CHSY3: variants seen among roughly 807,000 people sequenced by gnomAD.
The protein encoded by CHSY3 is chondroitin sulfate synthase 3, also known as N-acetylgalactosaminyl-proteoglycan 3-beta-glucuronosyltransferase 3.
Under a neutral mutation model 67.2 loss-of-function variants are expected in CHSY3, and 35 were observed. The ratio of observed to expected loss-of-function variants is 0.52; its 90% CI spans 0.40 to 0.69. CHSY3 has a LOEUF of 0.69. CHSY3 is among the 30% of genes least tolerant of loss of function. The pLI is 0.00. For missense variants in CHSY3, 1,069 were observed against 1,138.5 expected (o/e 0.94, Z 0.88); for synonymous variants, 474 against 434.7 (o/e 1.09, Z -1.12).
rs1770390984 is a variant in CHSY3 at position 130,185,481 on chromosome 5, A to G, written c.2339A>G (p.Tyr780Cys). The G allele has an allele frequency of 3.7e-6, 6 of 1,614,038 alleles. No homozygotes were observed. The highest frequency in any genetic ancestry group is 2.7e-5 in the African/African-American group (2 of 74,918). Residue 780 changes from tyrosine (Y) to cysteine (C), a missense_variant, in exon 3 of 3, where the codon TAT becomes TGT. Coordinates refer to ENST00000305031, the MANE Select transcript of CHSY3 (RefSeq NM_175856.5). ...ACTGGATTTTGGAGAGACTATGGATATGGCATCACCTGTATTTACAAAAGT... is the reference window on the plus strand; with the variant it reads ...ACTGGATTTTGGAGAGACTATGGATGTGGCATCACCTGTATTTACAAAAGT... ...KKTGFWRDYGYGITCIYKSDL... is the reference protein window; with the variant it reads ...KKTGFWRDYGCGITCIYKSDL...
intron 2 of CHSY3, among the ~76,000 whole-genome samples, chr5:130,038,773 C>CA: frequency 6.6e-6 from 1 of 152,068 alleles, no homozygotes; most frequent in South Asian, 2.1e-4. Flanking sequence ...CACTGCACTA[C>CA]AAAATATGTG....
intron 2 of CHSY3, among the ~76,000 whole-genome samples, chr5:130,171,926 A>G (rs1437808102): frequency 1.3e-5 from 2 of 152,228 alleles, no homozygotes; most frequent in Non-Finnish European, 2.9e-5. Context: ...CTAACTGGAA[A>G]AAAGAAGAAA....
chr5:130,133,800 A>AAAG (rs1561552320), intron 2 of CHSY3, among the ~76,000 whole-genome samples: 3 of 148,756 alleles, frequency 2.0e-5, no homozygotes, highest in African/African-American at 7.3e-5. Flanking sequence ...AAAAAAGAAA[A>AAAG]AAAAAAAAAA....
At chr5:130,013,885 T>A (rs1001978642) in intron 2 of CHSY3, among the ~76,000 whole-genome samples, 2 of 152,246 alleles carry the variant, frequency 1.3e-5, no homozygotes, top group African/African-American at 4.8e-5. Flanking sequence ...TTCTTTTTTA[T>A]CGCATCATCA....
chr5:130,147,816 A>AT (rs1769115804), intron 2 of CHSY3, among the ~76,000 whole-genome samples: 1 of 152,036 alleles, frequency 6.6e-6, no homozygotes, highest in Admixed American at 6.6e-5. Flanking sequence ...ATTTTATTTC[A>AT]TTTTTTGCTT....
chr5:129,971,226 T>G (rs1762632343), intron 2 of CHSY3, among the ~76,000 whole-genome samples: 1 of 151,792 alleles, frequency 6.6e-6, no homozygotes, highest in Admixed American at 6.6e-5. Context: ...GGAGTGTACA[T>G]TTTACATTTG....
intron 2 of CHSY3, among the ~76,000 whole-genome samples, chr5:130,052,834 A>G (rs1329069349): frequency 6.6e-6 from 1 of 152,152 alleles, no homozygotes; most frequent in African/African-American, 2.4e-5. Context: ...AATTTTCTCA[A>G]TGCTACATAA....
intron 2 of CHSY3, among the ~76,000 whole-genome samples, chr5:130,143,149 G>C (rs748926610): frequency 2.6e-5 from 4 of 152,096 alleles, no homozygotes; most frequent in African/African-American, 7.2e-5. Context: ...TAAAAGCCTA[G>C]TGATTGCCTT....
At position 129,994,045 on chromosome 5, in the gene CHSY3, T is replaced by C. The variant is rs187944063; in HGVS notation, c.1086+85685T>C. On this transcript the variant is annotated intron_variant, in intron 2 of 2. Transcript: ENST00000305031. Reference sequence around the variant, plus strand: ...AAGAATGTTGAATATTGGCCCCCACTGTCTTCTGGCTTATAGAGTTTCTGC... The same window carrying C: ...AAGAATGTTGAATATTGGCCCCCACCGTCTTCTGGCTTATAGAGTTTCTGC... Among the ~76,000 whole-genome samples the C allele has an allele frequency of 9.2e-3, 1,397 of 152,340 alleles. 18 individuals carry two copies. The highest frequency in any genetic ancestry group is 0.031 in the African/African-American group (1,295 of 41,586).
chr5:129,917,371 A>T (rs1760763037), intron 2 of CHSY3, among the ~76,000 whole-genome samples: 1 of 152,212 alleles, frequency 6.6e-6, no homozygotes. Context: ...TACAACAGAG[A>T]GCCTGTTGTA....
At position 130,143,810 on chromosome 5, in the gene CHSY3, G is replaced by GTGTA. The variant is rs1469625551; in HGVS notation, c.1087-40418_1087-40417insGTAT. On this transcript the variant is annotated intron_variant, in intron 2 of 2. Transcript: ENST00000305031. ...TATATATATATATATATATATGTGT[G>GTGTA]TATATATATATATATATATATATAT... 4.0e-3 allele frequency among the ~76,000 whole-genome samples: 228 copies of GTGTA among 56,476 alleles called. 10 individuals are homozygous for GTGTA. Among genetic ancestry groups the GTGTA allele is most frequent in the Middle Eastern group, 0.019 (1 of 54 alleles). The allele number at this position is 56,476 out of a possible 152,430, so 37.1% of individuals were successfully genotyped here. A position where few individuals can be genotyped will look rare whatever the true frequency, so the allele number is the denominator to read the frequency against.
intron 2 of CHSY3, among the ~76,000 whole-genome samples, chr5:129,913,160 GT>G (rs1760624233): frequency 6.6e-6 from 1 of 152,072 alleles, no homozygotes; most frequent in Non-Finnish European, 1.5e-5. Flanking sequence ...TTTTGTTTTT[GT>G]TTTTTGACAC....
chr5:130,026,834 T>C (rs1244317080), intron 2 of CHSY3, among the ~76,000 whole-genome samples: 2 of 152,136 alleles, frequency 1.3e-5, no homozygotes, highest in African/African-American at 4.8e-5. Flanking sequence ...GTTACCACAT[T>C]TTTAAAAATA....
chr5:130,065,723 C>T (rs1026164275), intron 2 of CHSY3, among the ~76,000 whole-genome samples: 6 of 152,102 alleles, frequency 3.9e-5, no homozygotes, highest in African/African-American at 1.2e-4. Flanking sequence ...TATTTCTAGT[C>T]TGACAATGAT....
In CHSY3 at chr5:130,142,760, GAATCCAT is replaced by G. The variant is rs1404479826; in HGVS notation, c.1087-41468_1087-41462del. 2.0e-5 allele frequency among the ~76,000 whole-genome samples: 3 copies of G among 152,160 alleles called. No homozygotes were observed. The East Asian group carries it at 5.8e-4, about 30-fold the overall frequency. ...CAAATTTCCACTTTCCAAAGACAGA[GAATCCAT>G]GGTCTTCACCTTAATAGCTGCTTTA... On this transcript the variant is annotated intron_variant, in intron 2 of 2. Transcript: ENST00000305031.
intron 2 of CHSY3, among the ~76,000 whole-genome samples, chr5:130,096,706 T>C (rs1248068248): frequency 6.6e-6 from 1 of 152,150 alleles, no homozygotes; most frequent in African/African-American, 2.4e-5. Flanking sequence ...CCATTTTTTT[T>C]AGTATTTTTT....
chr5:129,991,578 G>A (rs910929141), intron 2 of CHSY3, among the ~76,000 whole-genome samples: 8 of 152,106 alleles, frequency 5.3e-5, no homozygotes, highest in African/African-American at 1.9e-4. Flanking sequence ...TGATTAACAA[G>A]CTTGAGTTTG....
Position 130,146,392 on chromosome 5 carries a change from T to TA in CHSY3, c.1087-37833dup, listed in dbSNP as rs569079737. ...CATGATCTCACTCATACGTGGAAACTAAAAGAAAAGATGTTATCAAACATA... is the reference window on the plus strand; with the variant it reads ...CATGATCTCACTCATACGTGGAAACTAAAAAGAAAAGATGTTATCAAACATA... On this transcript the variant is annotated intron_variant, in intron 2 of 2. Transcript: ENST00000305031. Among the ~76,000 whole-genome samples the TA allele has an allele frequency of 2.1e-3, 321 of 152,154 alleles. 6 individuals carry two copies. The South Asian group carries it at 0.035, about 17-fold the overall frequency.
chr5:130,037,472 A>G (rs77627620), intron 2 of CHSY3, among the ~76,000 whole-genome samples: 2,423 of 152,212 alleles, frequency 0.016, 53 homozygotes, highest in African/African-American at 0.054. Context: ...AAAATTCTCC[A>G]TTTCTTATAA....
Sources: allele counts gnomAD v4.1 joint callset (sites outside exome capture counted in the v4.1 genomes callset), GRCh38; gene constraint gnomAD v4.1.1; transcripts MANE v1.5; gene names NCBI Gene and HGNC (gene_info 2026-07-23, HGNC 2026-07-21).